PCDHA1: variants seen among roughly 807,000 people sequenced by gnomAD.
The protein encoded by PCDHA1 is protocadherin alpha-1.
Under a neutral mutation model 61.3 loss-of-function variants are expected in PCDHA1, and 42 were observed. The observed-to-expected ratio is 0.69, with a 90% CI of 0.54 to 0.89. The LOEUF (loss-of-function observed/expected upper bound fraction) is 0.89, where lower values mean the gene tolerates loss of function less well. Among genes scored for constraint, PCDHA1 ranks in the 40% least tolerant of loss-of-function variants. PCDHA1 has a pLI of 0.00. For missense variants in PCDHA1, 1,256 were observed against 1,235.3 expected (o/e 1.02, Z -0.25); for synonymous variants, 610 against 553.8 (o/e 1.10, Z -1.43).
chr5:140,842,874 A>C lies in PCDHA1; in HGVS notation c.2394+54190A>C, dbSNP rs2150346972. 38 of 1,593,708 alleles carry C rather than the reference A, an allele frequency of 2.4e-5. 5 individuals carry two copies. The highest frequency in any genetic ancestry group is 2.3e-4 in the African/African-American group (17 of 74,204). On this transcript the variant is annotated intron_variant, in intron 1 of 3. Coordinates refer to ENST00000504120, the MANE Select transcript of PCDHA1 (RefSeq NM_018900.4). Reference sequence around the variant, plus strand: ...GTGCACACGGAGAGCGGCAAGGTGTACGCGCTGCAGCCGCTGGACCACGAG... The same window carrying C: ...GTGCACACGGAGAGCGGCAAGGTGTCCGCGCTGCAGCCGCTGGACCACGAG...
intron 1 of PCDHA1, among the ~76,000 whole-genome samples, chr5:140,897,060 A>G (rs2153455161): frequency 6.6e-6 from 1 of 152,068 alleles, no homozygotes; most frequent in East Asian, 1.9e-4. Flanking sequence ...GTCAAATACT[A>G]TGTCTTATTC....
At chr5:140,816,601 C>T (rs2126673924) in intron 1 of PCDHA1, 1 of 151,696 alleles carries the variant, frequency 6.6e-6, no homozygotes, top group South Asian at 2.1e-4. Flanking sequence ...GTGTTGATAT[C>T]TATACATTTC....
intron 1 of PCDHA1, among the ~76,000 whole-genome samples, chr5:140,789,564 T>C (rs1488186664): frequency 6.6e-6 from 1 of 152,220 alleles, no homozygotes; most frequent in African/African-American, 2.4e-5. Flanking sequence ...TTCATTGTCA[T>C]TGTGAACAAT....
At chr5:140,990,742 G>A (rs947618929) in intron 3 of PCDHA1, among the ~76,000 whole-genome samples, 2 of 152,176 alleles carry the variant, frequency 1.3e-5, no homozygotes, top group African/African-American at 4.8e-5. Context: ...CAGCCCTAGG[G>A]TGGATACCTT....
chr5:140,870,823 G>A (rs971082881), intron 1 of PCDHA1: 1 of 1,613,762 alleles, frequency 6.2e-7, no homozygotes, highest in Non-Finnish European at 8.5e-7. Flanking sequence ...CAGCGCGGGA[G>A]GCGCAGTTAA....
rs781920660 is a variant in PCDHA1 at position 140,857,284 on chromosome 5, G to A, written c.2394+68600G>A. On this transcript the variant is annotated intron_variant, in intron 1 of 3. Transcript: ENST00000504120. Reference sequence around the variant, plus strand: ...ACTCATTGGTGCTGGACAGCGCTCTGGACCGCGAGAGGGTGTCGGCCTATG... The same window carrying A: ...ACTCATTGGTGCTGGACAGCGCTCTAGACCGCGAGAGGGTGTCGGCCTATG... 4 of 1,598,734 alleles carry A rather than the reference G, an allele frequency of 2.5e-6. 1 individual carries two copies. Among genetic ancestry groups the A allele is most frequent in the Non-Finnish European group, 2.6e-6 (3 of 1,168,028 alleles).
At position 140,812,147 on chromosome 5, in the gene PCDHA1, T is replaced by TTTGTTG. The variant is rs2126635624; in HGVS notation, c.2394+23475_2394+23480dup. The TTTGTTG allele has an allele frequency of 7.3e-5, 11 of 150,902 alleles. No individual in the cohort carries two copies. The East Asian group carries it at 1.2e-3, about 16-fold the overall frequency. The allele number at this position is 150,902 out of a possible 1,614,324, so 9.3% of individuals were successfully genotyped here. On this transcript the variant is annotated intron_variant, in intron 1 of 3. Transcript: ENST00000504120. ...CAGGAAAGATATCTGGTTTTGGGCTTTTGTTGTTGTTGTTGTTAGGAGGTT... is the reference window on the plus strand; with the variant it reads ...CAGGAAAGATATCTGGTTTTGGGCTTTTGTTGTTGTTGTTGTTGTTGTTAGGAGGTT...
intron 1 of PCDHA1, chr5:140,796,579 G>A (rs1396244589): frequency 6.2e-7 from 1 of 1,613,348 alleles, no homozygotes; most frequent in Non-Finnish European, 8.5e-7. Flanking sequence ...GAGCGCGCGG[G>A]ATGCGGGCGT....
At chr5:140,863,267 C>T in intron 1 of PCDHA1, 1 of 1,457,902 alleles carries the variant, frequency 6.9e-7, no homozygotes, top group Non-Finnish European at 9.3e-7. Flanking sequence ...CGGGAGGCAG[C>T]GCTGGTGGAT....
Position 140,869,160 on chromosome 5 carries a change from C to T in PCDHA1, c.2394+80476C>T, listed in dbSNP as rs201759355. 10 of 1,613,886 alleles carry T rather than the reference C, an allele frequency of 6.2e-6. No homozygotes were observed. In the East Asian group the frequency reaches 2.0e-4, roughly 32 times the overall value. On this transcript the variant is annotated intron_variant, in intron 1 of 3. Transcript: ENST00000504120. ...CCCCACGACTACAGCTCTGGCTTCT[C>T]CTCCTCGAATTCTGGGAGGTGGGGA...
intron 3 of PCDHA1, among the ~76,000 whole-genome samples, chr5:140,984,789 A>G (rs2097121266): frequency 6.6e-6 from 1 of 152,202 alleles, no homozygotes; most frequent in African/African-American, 2.4e-5. Context: ...GGGTGAGCAT[A>G]GACAAACTGC....
chr5:140,963,454 T>G (rs1299471186), intron 1 of PCDHA1, among the ~76,000 whole-genome samples: 2 of 152,242 alleles, frequency 1.3e-5, no homozygotes, highest in African/African-American at 4.8e-5. Context: ...TGCTAAAGTA[T>G]TTCTGTGTTT....
intron 1 of PCDHA1, chr5:140,822,844 C>T (rs2150119784): frequency 6.2e-7 from 1 of 1,614,188 alleles, no homozygotes; most frequent in East Asian, 2.2e-5. Flanking sequence ...CCTTTTCCTG[C>T]CTGTCAAAGA....
rs572205670 is a variant in PCDHA1 at position 140,933,229 on chromosome 5, G to A, written c.2395-45720G>A. ...TACATGTCTGTTATATTGCATTTAT[G>A]AAAAAGAAAGGACTATAAACACAAA... On this transcript the variant is annotated intron_variant, in intron 1 of 3. Coordinates refer to ENST00000504120, the MANE Select transcript of PCDHA1 (RefSeq NM_018900.4). Among the ~76,000 whole-genome samples, 114 of 151,958 alleles carry A rather than the reference G, an allele frequency of 7.5e-4. 1 individual carries two copies. The highest frequency in any genetic ancestry group is 1.5e-3 in the Non-Finnish European group (99 of 67,810).
At position 140,928,212 on chromosome 5, in the gene PCDHA1, C is replaced by G. The variant is rs1388758279; in HGVS notation, c.2395-50737C>G. The G allele has an allele frequency of 2.5e-6, 4 of 1,614,106 alleles. No individual in the cohort carries two copies. The African/African-American group carries it at 5.3e-5, about 22-fold the overall frequency. On this transcript the variant is annotated intron_variant, in intron 1 of 3. Coordinates refer to ENST00000504120, the MANE Select transcript of PCDHA1 (RefSeq NM_018900.4). Reference sequence around the variant, plus strand: ...CTGTGTCAGTTGCTGATGTGAATGACAATACACCAAACTTTCCTCAACCCC... The same window carrying G: ...CTGTGTCAGTTGCTGATGTGAATGAGAATACACCAAACTTTCCTCAACCCC...
chr5:140,953,475 T>C (rs1178172011), intron 1 of PCDHA1, among the ~76,000 whole-genome samples: 3 of 152,140 alleles, frequency 2.0e-5, no homozygotes, highest in African/African-American at 7.2e-5. Context: ...AACTTCCTCA[T>C]GCTGTGTCAC....
At chr5:140,862,371 T>C in intron 1 of PCDHA1, 1 of 341,736 alleles carries the variant, frequency 2.9e-6, no homozygotes, top group Non-Finnish European at 5.8e-6. Flanking sequence ...ACCCGCACCC[T>C]GACTCCTCAC....
chr5:140,906,238 C>T (rs1309828775), intron 1 of PCDHA1, among the ~76,000 whole-genome samples: 2 of 152,186 alleles, frequency 1.3e-5, no homozygotes, highest in Non-Finnish European at 2.9e-5. Flanking sequence ...CCCTTGTCAA[C>T]TTGAACCCAT....
chr5:140,824,829 A>T (rs1484900746), intron 1 of PCDHA1: 3 of 151,820 alleles, frequency 2.0e-5, no homozygotes, highest in African/African-American at 7.3e-5. Flanking sequence ...ATTAATTATT[A>T]TTTTATTACA....
Sources: allele counts gnomAD v4.1 joint callset (sites outside exome capture counted in the v4.1 genomes callset), GRCh38; gene constraint gnomAD v4.1.1; transcripts MANE v1.5; gene names NCBI Gene and HGNC (gene_info 2026-07-23, HGNC 2026-07-21).